Variants in CLTA observed in about 807,000 individuals in gnomAD.
CLTA encodes the protein clathrin, light polypeptide (Lca).
CLTA carries 9 observed loss-of-function variants against 26.9 expected under a neutral mutation model. The ratio of observed to expected loss-of-function variants is 0.33; its 90% CI spans 0.20 to 0.58. The LOEUF is 0.58. Ranked by LOEUF, CLTA falls within the 20% of genes least tolerant of loss-of-function variation. CLTA has a pLI of 0.85. For synonymous variants in CLTA, 120 were observed against 115.5 expected (o/e 1.04, Z -0.25); for missense variants, 278 against 294.2 (o/e 0.94, Z 0.40).
intron 4 of CLTA, among the ~76,000 whole-genome samples, chr9:36,207,614 G>A (rs955634432): frequency 3.3e-5 from 5 of 152,184 alleles, no homozygotes; most frequent in Non-Finnish European, 7.3e-5. Flanking sequence ...TCAAGTGAAG[G>A]ACAAATAAGG....
intron 4 of CLTA, among the ~76,000 whole-genome samples, chr9:36,207,980 T>A (rs1827816087): frequency 1.3e-5 from 2 of 152,202 alleles, no homozygotes; most frequent in Non-Finnish European, 2.9e-5. Context: ...CTGCTCTTTT[T>A]GCTTTCTTTA....
At chr9:36,209,965 G>C (rs902815014) in intron 4 of CLTA, among the ~76,000 whole-genome samples, 4 of 152,234 alleles carry the variant, frequency 2.6e-5, no homozygotes, top group Non-Finnish European at 4.4e-5. Context: ...TCCTAGCACA[G>C]GGAAGCCCCC....
chr9:36,194,796 A>G (rs984703960), intron 1 of CLTA, among the ~76,000 whole-genome samples: 2 of 152,228 alleles, frequency 1.3e-5, no homozygotes, highest in Admixed American at 6.5e-5. Flanking sequence ...AAGGCCCTAC[A>G]TGTCCTTTCT....
intron 4 of CLTA, chr9:36,210,442 G>A: frequency 3.4e-6 from 1 of 297,292 alleles, no homozygotes; most frequent in Non-Finnish European, 5.0e-6. Context: ...AATGGAGACT[G>A]GAAAGGTCGA....
chr9:36,191,092 C>T lies in CLTA; in HGVS notation c.36C>T (p.Gly12=), dbSNP rs1295946559. The T allele has an allele frequency of 1.3e-6, 2 of 1,588,700 alleles. No individual in the cohort carries two copies. Among genetic ancestry groups the T allele is most frequent in the African/African-American group, 1.4e-5 (1 of 73,394 alleles). The change falls in exon 1 of 5, where the codon GGC becomes GGT. Residue 12 remains glycine (G), a synonymous_variant. Coordinates refer to ENST00000345519, the MANE Select transcript of CLTA (RefSeq NM_001833.4). ...AELDPFGAPA[G]APGGPALGNG... ...TGGATCCGTTCGGCGCCCCTGCCGG[C>T]GCCCCTGGCGGTCCCGCGCTGGGGA...
chr9:36,210,415 A>G (rs1827975574), intron 4 of CLTA, among the ~76,000 whole-genome samples: 1 of 152,086 alleles, frequency 6.6e-6, no homozygotes, highest in African/African-American at 2.4e-5. Context: ...ATTTCTGCAC[A>G]TTCTCTCTGG....
chr9:36,196,369 T>A (rs1269515957), intron 1 of CLTA, among the ~76,000 whole-genome samples: 2 of 148,640 alleles, frequency 1.3e-5, no homozygotes, highest in African/African-American at 2.5e-5. Flanking sequence ...TTTTTTGAGA[T>A]GGAGTCTCGC....
chr9:36,202,179 C>T (rs1288836616), intron 3 of CLTA, among the ~76,000 whole-genome samples: 2 of 152,108 alleles, frequency 1.3e-5, no homozygotes, highest in African/African-American at 2.4e-5. Flanking sequence ...GAAAATGATT[C>T]TTCTGAACGA....
At chr9:36,209,253 C>T (rs775369539) in intron 4 of CLTA, 36 of 1,613,882 alleles carry the variant, frequency 2.2e-5, no homozygotes, top group Non-Finnish European at 2.9e-5. Context: ...CCTTTTGGAC[C>T]TCTTGCTGTC....
chr9:36,204,132 G>C lies in CLTA; in HGVS notation c.438G>C (p.Trp146Cys). 6.2e-7 allele frequency: 1 copy of C among 1,614,196 alleles called. No homozygotes were observed. The highest frequency in any genetic ancestry group is 8.5e-7 in the Non-Finnish European group (1 of 1,180,022). Residue 146 changes from tryptophan (W) to cysteine (C), a missense_variant, in exon 4 of 5, where the codon TGG becomes TGC. Trp to Cys is a radical substitution (Grantham distance 215). Coordinates refer to ENST00000345519, the MANE Select transcript of CLTA (RefSeq NM_001833.4). Reference protein sequence around the residue: ...KEKAIKELEEWYARQDEQLQK... With the variant: ...KEKAIKELEECYARQDEQLQK... ...AGGCAATAAAGGAGCTAGAAGAATGGTATGCAAGACAGGACGAGCAGCTAC... is the reference window on the plus strand; with the variant it reads ...AGGCAATAAAGGAGCTAGAAGAATGCTATGCAAGACAGGACGAGCAGCTAC...
chr9:36,210,601 T>C (rs768131788), intron 4 of CLTA: 7 of 1,614,056 alleles, frequency 4.3e-6, no homozygotes, highest in African/African-American at 1.3e-5. Flanking sequence ...TTCTCTCGTT[T>C]CTTTTCTTCT....
intron 3 of CLTA, among the ~76,000 whole-genome samples, chr9:36,200,059 G>C (rs927844069): frequency 2.6e-5 from 4 of 152,192 alleles, no homozygotes; most frequent in Non-Finnish European, 5.9e-5. Context: ...CCTGGCCTTT[G>C]ATAAAGAGAT....
intron 4 of CLTA, among the ~76,000 whole-genome samples, chr9:36,209,685 TGG>T (rs1257800018): frequency 6.6e-6 from 1 of 152,184 alleles, no homozygotes; most frequent in Non-Finnish European, 1.5e-5. Context: ...CTGCCTCAGG[TGG>T]GAAGGAGGTT....
chr9:36,193,491 G>T (rs10972786), intron 1 of CLTA, among the ~76,000 whole-genome samples: 14,353 of 151,982 alleles, frequency 0.094, 917 homozygotes, highest in South Asian at 0.18. Context: ...ATGCTATGTG[G>T]CATCTTTAGG....
rs756511907 is a variant in CLTA at position 36,205,460 on chromosome 9, C to T, written c.485+1281C>T. 4.6e-5 allele frequency among the ~76,000 whole-genome samples: 7 copies of T among 152,106 alleles called. No homozygotes were observed. The South Asian group carries it at 8.3e-4, about 18-fold the overall frequency. Reference sequence around the variant, plus strand: ...TTTTCTCCCAGGTGGAAGTTCAGATCGGTAAAGCCGAGTGGGGACTGTGTG... The same window carrying T: ...TTTTCTCCCAGGTGGAAGTTCAGATTGGTAAAGCCGAGTGGGGACTGTGTG... On this transcript the variant is annotated intron_variant, in intron 4 of 4. Coordinates refer to ENST00000345519, the MANE Select transcript of CLTA (RefSeq NM_001833.4).
chr9:36,198,646 A>G (rs1587216514), intron 2 of CLTA, among the ~76,000 whole-genome samples: 1 of 142,396 alleles, frequency 7.0e-6, no homozygotes, highest in African/African-American at 2.7e-5. Context: ...GCGCCACTGC[A>G]CTCCAGTCTG....
At position 36,212,025 on chromosome 9, in the gene CLTA, AT is replaced by A. The variant is rs1828078852; in HGVS notation, c.*253del. On this transcript the variant is annotated 3_prime_UTR_variant, in exon 5 of 5. Transcript: ENST00000345519. ...GTAGCCTCAACCTGTGCTTCTGTGC[AT>A]TATTCTGAGAATAAATTTCTGTTTC... 1.1e-5 allele frequency: 7 copies of A among 635,806 alleles called. No individual in the cohort carries two copies. Among genetic ancestry groups the A allele is most frequent in the Non-Finnish European group, 2.9e-6 (1 of 347,938 alleles). 39.4% of individuals were successfully genotyped at this position (635,806 alleles called of 1,614,324 possible). A position where few individuals can be genotyped will look rare whatever the true frequency, so the allele number is the denominator to read the frequency against.
intron 1 of CLTA, among the ~76,000 whole-genome samples, chr9:36,194,461 A>G (rs545813036): frequency 3.9e-5 from 6 of 152,354 alleles, no homozygotes; most frequent in African/African-American, 1.2e-4. Context: ...ATTGTACTGC[A>G]CATTTGCTGT....
chr9:36,198,280 G>C (rs1330227465), intron 2 of CLTA, among the ~76,000 whole-genome samples: 1 of 151,896 alleles, frequency 6.6e-6, no homozygotes, highest in African/African-American at 2.4e-5. Flanking sequence ...TTACAGGCGT[G>C]AGCCACCGCA....
Sources: gnomAD v4.1 joint callset for allele counts (sites outside exome capture counted in the v4.1 genomes callset) on GRCh38, gnomAD v4.1.1 for gene constraint, MANE v1.5 for transcripts, NCBI Gene and HGNC (gene_info 2026-07-23, HGNC 2026-07-21) for gene names.